DSCAML1: variants seen among roughly 807,000 people sequenced by gnomAD.
DSCAML1 encodes cell adhesion molecule DSCAML1.
Under a neutral mutation model 200.5 loss-of-function variants are expected in DSCAML1, and 38 were observed. The ratio of observed to expected loss-of-function variants is 0.19; its 90% CI spans 0.15 to 0.25. The LOEUF (loss-of-function observed/expected upper bound fraction) is 0.25, where lower values mean the gene tolerates loss of function less well. Ranked by LOEUF, DSCAML1 falls within the 10% of genes least tolerant of loss-of-function variation. DSCAML1 has a pLI of 1.00. For synonymous variants in DSCAML1, 1,215 were observed against 1,165.0 expected (o/e 1.04, Z -0.87); for missense variants, 2,223 against 2,858.8 (o/e 0.78, Z 5.07).
chr11:117,574,281 G>T (rs2050896178), intron 3 of DSCAML1, among the ~76,000 whole-genome samples: 1 of 152,176 alleles, frequency 6.6e-6, no homozygotes, highest in South Asian at 2.1e-4. Flanking sequence ...GTCCTAGAGA[G>T]GCCTGGTACT....
At chr11:117,575,533 G>T (rs1346793061) in intron 3 of DSCAML1, among the ~76,000 whole-genome samples, 2 of 151,482 alleles carry the variant, frequency 1.3e-5, no homozygotes, top group African/African-American at 4.8e-5. Flanking sequence ...AGCTTCTTGT[G>T]GTGATTTGCT....
intron 3 of DSCAML1, among the ~76,000 whole-genome samples, chr11:117,648,889 G>A (rs1344419139): frequency 6.6e-6 from 1 of 152,150 alleles, no homozygotes; most frequent in African/African-American, 2.4e-5. Flanking sequence ...CAGAGAATCA[G>A]ACCAAAGATG....
intron 3 of DSCAML1, among the ~76,000 whole-genome samples, chr11:117,747,209 C>T (rs2054532203): frequency 6.6e-6 from 1 of 152,216 alleles, no homozygotes; most frequent in African/African-American, 2.4e-5. Context: ...GCCTGCTGAC[C>T]TTGACCTTTC....
At position 117,439,378 on chromosome 11, in the gene DSCAML1, G is replaced by A. The variant is rs1311801974; in HGVS notation, c.4032C>T (p.Thr1344=). ...VSMDGHRLIH[T]NGTLLLRAVK... ...CTGCACGCAGCAGCAGTGTGCCATT[G>A]GTGTGGATGAGCCGGTGCCCATCCA... Residue 1344 remains threonine (T), a synonymous_variant, in exon 23 of 33, where the codon ACC becomes ACT. Transcript: ENST00000651296. The A allele has an allele frequency of 2.5e-6, 4 of 1,613,810 alleles. No individual in the cohort carries two copies. The highest frequency in any genetic ancestry group is 1.3e-5 in the African/African-American group (1 of 74,900).
At position 117,489,780 on chromosome 11, in the gene DSCAML1, C is replaced by A. The variant is rs2049149989; in HGVS notation, c.2360-7618G>T. On this transcript the variant is annotated intron_variant, in intron 11 of 32. Transcript: ENST00000651296. This position sits in a 1 kb window ranked among gnomAD's most constrained non-coding sequence, Gnocchi z 4.8. ...CCTGACACCCCACATTGCATGCAGG[C>A]CTCTCCTGCGGGGCATCCCCTGCAT... Among the ~76,000 whole-genome samples the A allele has an allele frequency of 6.6e-6, 1 of 152,184 alleles. No individual in the cohort carries two copies. Among genetic ancestry groups the A allele is most frequent in the Non-Finnish European group, 1.5e-5 (1 of 68,018 alleles).
rs547087942 is a variant in DSCAML1 at position 117,742,384 on chromosome 11, G to C, written c.511+34407C>G. ...AGAGCTAAATCCCTAGGTTGAGCCA[G>C]AGGCCCATTTTGGGACGCTGGTGGT... On this transcript the variant is annotated intron_variant, in intron 3 of 32. Transcript: ENST00000651296. Among the ~76,000 whole-genome samples the C allele has an allele frequency of 1.2e-4, 19 of 152,330 alleles. No homozygotes were observed. The East Asian group carries it at 1.7e-3, about 14-fold the overall frequency.
At chr11:117,644,962 G>A (rs907572260) in intron 3 of DSCAML1, among the ~76,000 whole-genome samples, 3 of 152,224 alleles carry the variant, frequency 2.0e-5, no homozygotes, top group Non-Finnish European at 2.9e-5. Flanking sequence ...CCCAGACCCC[G>A]CAGGCCGCCT....
intron 3 of DSCAML1, among the ~76,000 whole-genome samples, chr11:117,626,759 T>A (rs772575134): frequency 1.3e-5 from 2 of 151,924 alleles, no homozygotes; most frequent in African/African-American, 4.8e-5. Flanking sequence ...CCACCCCACA[T>A]CCCTGGACTA....
intron 8 of DSCAML1, among the ~76,000 whole-genome samples, chr11:117,508,768 G>A (rs2049559378): frequency 6.6e-6 from 1 of 152,176 alleles, no homozygotes; most frequent in Admixed American, 6.5e-5. Context: ...GTTCTGCAGA[G>A]CCGAGAGAAA....
At chr11:117,566,176 A>G (rs1391642614) in intron 3 of DSCAML1, among the ~76,000 whole-genome samples, 1 of 152,214 alleles carries the variant, frequency 6.6e-6, no homozygotes. Flanking sequence ...ACGGAGACCT[A>G]TAGAGTGACT....
intron 8 of DSCAML1, among the ~76,000 whole-genome samples, chr11:117,508,973 A>AT: frequency 6.6e-6 from 1 of 152,288 alleles, no homozygotes; most frequent in South Asian, 2.1e-4. Context: ...AGGTTAATTC[A>AT]TTAATTAACT....
intron 3 of DSCAML1, among the ~76,000 whole-genome samples, chr11:117,569,880 C>A (rs1466572335): frequency 6.6e-6 from 1 of 152,170 alleles, no homozygotes; most frequent in Non-Finnish European, 1.5e-5. Flanking sequence ...GGGCTCTGGG[C>A]CCCTAGGAGA....
intron 3 of DSCAML1, among the ~76,000 whole-genome samples, chr11:117,767,507 G>A (rs1043177458): frequency 1.3e-5 from 2 of 152,124 alleles, no homozygotes; most frequent in African/African-American, 2.4e-5. Flanking sequence ...TGCAACGTAC[G>A]CTTAACAGCT....
intron 18 of DSCAML1, among the ~76,000 whole-genome samples, chr11:117,460,617 G>A (rs1049027515): frequency 6.6e-6 from 1 of 152,170 alleles, no homozygotes; most frequent in East Asian, 1.9e-4. Context: ...GTCACGTGAA[G>A]GTCTGTGTAC....
intron 3 of DSCAML1, among the ~76,000 whole-genome samples, chr11:117,765,151 G>A (rs2054872422): frequency 1.3e-5 from 2 of 152,340 alleles, no homozygotes; most frequent in East Asian, 3.9e-4. Context: ...CTCAACCTTA[G>A]AGGCCTTTGT....
intron 3 of DSCAML1, among the ~76,000 whole-genome samples, chr11:117,701,766 C>A (rs73014431): frequency 6.6e-6 from 1 of 152,180 alleles, no homozygotes; most frequent in Admixed American, 6.5e-5. Flanking sequence ...CCCTTTGTGG[C>A]GCTGCTGATG....
chr11:117,762,011 T>C (rs2054812822), intron 3 of DSCAML1, among the ~76,000 whole-genome samples: 2 of 152,128 alleles, frequency 1.3e-5, no homozygotes, highest in South Asian at 4.1e-4. Flanking sequence ...TTATTCTCCC[T>C]GCACATTCCA....
chr11:117,754,206 C>T (rs2054649376), intron 3 of DSCAML1, among the ~76,000 whole-genome samples: 1 of 152,192 alleles, frequency 6.6e-6, no homozygotes, highest in South Asian at 2.1e-4. Flanking sequence ...TTAATTGGAG[C>T]TGTGCGTGCA....
At chr11:117,631,535 G>A (rs1251439199) in intron 3 of DSCAML1, among the ~76,000 whole-genome samples, 1 of 152,236 alleles carries the variant, frequency 6.6e-6, no homozygotes, top group Non-Finnish European at 1.5e-5. Flanking sequence ...AGAAGAATTA[G>A]TTCAGCTCCA....
Sources: gnomAD v4.1 joint callset for allele counts (sites outside exome capture counted in the v4.1 genomes callset) on GRCh38, gnomAD v4.1.1 for gene constraint, Gnocchi (gnomAD v3.1) non-coding constraint, MANE v1.5 for transcripts, NCBI Gene and HGNC (gene_info 2026-07-23, HGNC 2026-07-21) for gene names.